The following NUP93 variants were observed in gnomAD, a reference collection of about 807,000 sequenced individuals.
NUP93 encodes nuclear pore complex protein Nup93.
NUP93 carries 55 observed loss-of-function variants against 107.8 expected under a neutral mutation model. The ratio of observed to expected loss-of-function variants is 0.51; its 90% CI spans 0.41 to 0.64. The LOEUF (loss-of-function observed/expected upper bound fraction) is 0.64, where lower values mean the gene tolerates loss of function less well. NUP93 is among the 30% of genes least tolerant of loss of function. The pLI is 0.00. For synonymous variants in NUP93, 390 were observed against 397.5 expected (o/e 0.98, Z 0.22); for missense variants, 937 against 1,044.7 (o/e 0.90, Z 1.42).
chr16:56,837,470 C>T (rs1963935175), intron 17 of NUP93, 138 bp from the exon 18 acceptor site: 5 of 636,010 alleles, frequency 7.9e-6, no homozygotes, highest in South Asian at 3.6e-5. Flanking sequence ...GGCTGAGGCA[C>T]GAGAATTGCT....
intron 3 of NUP93, among the ~76,000 whole-genome samples, chr16:56,760,700 C>G (rs1358400155): frequency 6.6e-6 from 1 of 152,188 alleles, no homozygotes; most frequent in Non-Finnish European, 1.5e-5. Context: ...TCACCTCCCA[C>G]CAGGCCCCAC....
intron 12 of NUP93, 50 bp downstream of exon 12, chr16:56,832,438 G>A (rs1394008674): frequency 1.4e-6 from 2 of 1,440,088 alleles, no homozygotes; most frequent in Non-Finnish European, 2.0e-6. Context: ...CACTTAAGGT[G>A]ACTACTTCAG....
intron 3 of NUP93, among the ~76,000 whole-genome samples, chr16:56,787,352 C>T (rs1962650567): frequency 6.6e-6 from 1 of 152,206 alleles, no homozygotes; most frequent in Admixed American, 6.5e-5. Context: ...GTGTAAATGA[C>T]TGACACCGTA....
In NUP93 at chr16:56,845,567, TC is replaced by T. The variant is rs1964107015; in HGVS notation, c.*963del. 1 of 152,066 alleles carries T rather than the reference TC, an allele frequency of 6.6e-6. No individual in the cohort carries two copies. The highest frequency in any genetic ancestry group is 1.5e-5 in the Non-Finnish European group (1 of 68,036). The allele number at this position is 152,066 out of a possible 1,614,324, so 9.4% of individuals were successfully genotyped here. ...GTTGTCACCCATCATTTGCTCTGTT[TC>T]CCCCACCATCAGTCCCAAAGCCCTA... On this transcript the variant is annotated 3_prime_UTR_variant, in exon 22 of 22. Transcript: ENST00000308159.
intron 16 of NUP93, among the ~76,000 whole-genome samples, chr16:56,835,412 AGCTCACACT>A (rs1963889033): frequency 6.6e-6 from 1 of 152,242 alleles, no homozygotes; most frequent in Admixed American, 6.5e-5. Context: ...TCTGTAGATG[AGCTCACACT>A]GCTCACACCA....
chr16:56,748,771 C>T (rs1358643051), intron 2 of NUP93, among the ~76,000 whole-genome samples: 3 of 152,098 alleles, frequency 2.0e-5, no homozygotes, highest in East Asian at 1.9e-4. Flanking sequence ...TATGTTAATA[C>T]GTATGGACCC....
intron 20 of NUP93, 125 bp from the exon 21 acceptor site, chr16:56,841,580 C>T (rs781440870): frequency 3.3e-5 from 40 of 1,208,390 alleles, no homozygotes; most frequent in Non-Finnish European, 4.3e-5. Flanking sequence ...CTGTGTGGCT[C>T]TCCACCTGGC....
chr16:56,833,516 C>A, intron 13 of NUP93, 110 bp downstream of exon 13: 1 of 819,186 alleles, frequency 1.2e-6, no homozygotes, highest in Non-Finnish European at 1.8e-6. Context: ...GGGTACCAGT[C>A]ATTTTAGAGC....
chr16:56,758,453 G>C (rs1962066928), intron 2 of NUP93, 85 bp from the exon 3 acceptor site: 2 of 972,614 alleles, frequency 2.1e-6, no homozygotes, highest in Non-Finnish European at 1.7e-6. Context: ...ATGCTCTCTA[G>C]TATTTGATGA....
At chr16:56,799,560 A>C (rs1962976495) in intron 4 of NUP93, among the ~76,000 whole-genome samples, 1 of 152,224 alleles carries the variant, frequency 6.6e-6, no homozygotes, top group Non-Finnish European at 1.5e-5. Flanking sequence ...CTAGAAGTGC[A>C]GCTTTCCCCA....
At chr16:56,773,282 C>G (rs1962355357) in intron 3 of NUP93, among the ~76,000 whole-genome samples, 1 of 152,208 alleles carries the variant, frequency 6.6e-6, no homozygotes, top group Non-Finnish European at 1.5e-5. Flanking sequence ...AATCTACCTC[C>G]CAACCTCATA....
intron 5 of NUP93, among the ~76,000 whole-genome samples, chr16:56,817,933 A>G (rs759540307): frequency 1.3e-5 from 2 of 152,330 alleles, no homozygotes; most frequent in Non-Finnish European, 2.9e-5. Flanking sequence ...CAATGACGAA[A>G]TCTCCTAATG....
intron 5 of NUP93, among the ~76,000 whole-genome samples, chr16:56,812,162 C>A (rs1351036838): frequency 6.6e-6 from 1 of 152,044 alleles, no homozygotes; most frequent in East Asian, 1.9e-4. Flanking sequence ...AGGAAAATGT[C>A]CAAATTCTGG....
chr16:56,814,196 C>T (rs1281753564), intron 5 of NUP93, among the ~76,000 whole-genome samples: 1 of 152,010 alleles, frequency 6.6e-6, no homozygotes, highest in Non-Finnish European at 1.5e-5. Context: ...TTTTCTCCCC[C>T]ACCTTTGAGA....
intron 16 of NUP93, among the ~76,000 whole-genome samples, chr16:56,835,117 A>G (rs1378265140): frequency 1.3e-5 from 2 of 152,238 alleles, no homozygotes; most frequent in Middle Eastern, 3.2e-3. Context: ...GAAATTGATT[A>G]CTGCACCCAT....
Position 56,785,355 on chromosome 16 carries a change from G to C in NUP93, c.298-13121G>C, listed in dbSNP as rs1430357891. 9.9e-5 allele frequency among the ~76,000 whole-genome samples: 15 copies of C among 152,112 alleles called. No homozygotes were observed. In the East Asian group the frequency reaches 2.9e-3, roughly 29 times the overall value. Reference sequence around the variant, plus strand: ...GGTAGGAGAGACCCAGTTTCTTCCTGCTTTCTTTGCCTCCACCATGGTCTA... The same window carrying C: ...GGTAGGAGAGACCCAGTTTCTTCCTCCTTTCTTTGCCTCCACCATGGTCTA... On this transcript the variant is annotated intron_variant, in intron 3 of 21. Transcript: ENST00000308159.
At position 56,805,487 on chromosome 16, in the gene NUP93, C is replaced by G; in HGVS notation, c.361-17C>G. The G allele has an allele frequency of 1.2e-6, 2 of 1,613,278 alleles. No homozygotes were observed. Among genetic ancestry groups the G allele is most frequent in the Non-Finnish European group, 1.7e-6 (2 of 1,179,452 alleles). On this transcript the variant is annotated splice_polypyrimidine_tract_variant and intron_variant, in intron 4 of 21. Transcript: ENST00000308159. ...TTTTTTTCCTGAGGGTCATTGTTCT[C>G]TGTTCCTTTCTGGCAGACCTTCGGC...
chr16:56,823,662 C>A (rs531743123), intron 7 of NUP93, 45 bp from the exon 8 acceptor site: 2 of 1,604,644 alleles, frequency 1.2e-6, no homozygotes, highest in Non-Finnish European at 1.7e-6. Flanking sequence ...TAGATAATTT[C>A]TCTGGCCCTG....
chr16:56,747,552 T>TA (rs57113914), intron 1 of NUP93, among the ~76,000 whole-genome samples: 96 of 142,424 alleles, frequency 6.7e-4, no homozygotes, highest in South Asian at 6.8e-4. Flanking sequence ...ACATGAGTAT[T>TA]AAAAAAAAAA....
Sources: allele counts gnomAD v4.1 joint callset (sites outside exome capture counted in the v4.1 genomes callset), GRCh38; gene constraint gnomAD v4.1.1; transcripts MANE v1.5; gene names NCBI Gene and HGNC (gene_info 2026-07-23, HGNC 2026-07-21).